MYO6: variants seen among roughly 807,000 people sequenced by gnomAD.
MYO6 encodes myosin VI, also known as unconventional myosin-VI.
A neutral mutation model predicts 178.7 loss-of-function variants in MYO6; 74 were observed. The ratio of observed to expected loss-of-function variants is 0.41; its 90% confidence interval spans 0.34 to 0.50. The LOEUF is 0.50. Ranked by LOEUF, MYO6 falls within the 20% of genes least tolerant of loss-of-function variation. The pLI, the probability that MYO6 is intolerant of heterozygous loss-of-function variation, is 0.09. For missense variants in MYO6, 1,330 were observed against 1,547.4 expected, an observed-to-expected ratio of 0.86 and a Z score of 2.36; for synonymous variants, 477 against 504.6, an observed-to-expected ratio of 0.95 and a Z score of 0.73.
chr6:75,889,459 G>A (rs930852500), intron 25 of MYO6, among the ~76,000 whole-genome samples: 13 of 152,324 alleles, frequency 8.5e-5, no homozygotes, highest in African/African-American at 3.1e-4. Flanking sequence ...CCAGTCTGGA[G>A]TGCAGTGGCA....
At chr6:75,830,931 C>G (rs1271041292) in intron 5 of MYO6, among the ~76,000 whole-genome samples, 1 of 152,202 alleles carries the variant, frequency 6.6e-6, no homozygotes, top group African/African-American at 2.4e-5. Flanking sequence ...TCATCTCTTA[C>G]CCAGCTCATC....
chr6:75,917,852 G>A lies in MYO6; in HGVS notation c.*2840G>A, dbSNP rs775970504. ...TTTTCATTCACAGGTCATTACTATG[G>A]TTCTCAGCGATCCAAATATGTAGAT... On this transcript the variant is annotated 3_prime_UTR_variant, in exon 35 of 35. Coordinates refer to ENST00000369977, the MANE Select transcript of MYO6 (RefSeq NM_004999.4). The A allele has an allele frequency of 1.3e-5, 2 of 149,540 alleles. No homozygotes were observed. Among genetic ancestry groups the A allele is most frequent in the East Asian group, 4.0e-4 (2 of 4,974 alleles). The allele number at this position is 149,540 out of a possible 1,614,324, so 9.3% of individuals were successfully genotyped here. A position where few individuals can be genotyped will look rare whatever the true frequency, so the allele number is the denominator to read the frequency against.
intron 1 of MYO6, among the ~76,000 whole-genome samples, chr6:75,750,090 T>G (rs948313552): frequency 1.4e-5 from 2 of 144,668 alleles, no homozygotes; most frequent in African/African-American, 4.9e-5. Context: ...TTTAAAAAAT[T>G]CATTACCTTT....
intron 1 of MYO6, among the ~76,000 whole-genome samples, chr6:75,785,478 T>C (rs1465745482): frequency 3.3e-5 from 5 of 149,998 alleles, no homozygotes; most frequent in South Asian, 2.1e-4. Context: ...CTTTTCTTTT[T>C]TTTTTTTTTT....
intron 1 of MYO6, among the ~76,000 whole-genome samples, chr6:75,790,069 C>A (rs1768070673): frequency 6.6e-6 from 1 of 152,088 alleles, no homozygotes; most frequent in Non-Finnish European, 1.5e-5. Context: ...GACAGGATTT[C>A]ATTCTTTTTT....
intron 1 of MYO6, among the ~76,000 whole-genome samples, chr6:75,795,436 C>T (rs1351313985): frequency 3.9e-5 from 6 of 152,134 alleles, no homozygotes; most frequent in African/African-American, 9.6e-5. Flanking sequence ...TCAGTATGAT[C>T]GATTATTTTT....
intron 19 of MYO6, among the ~76,000 whole-genome samples, chr6:75,872,472 A>C (rs1339175230): frequency 1.3e-5 from 2 of 152,156 alleles, no homozygotes; most frequent in East Asian, 3.9e-4. Flanking sequence ...TTTCTTTTAC[A>C]CTTTGGCCTA....
At chr6:75,883,935 G>A (rs143705155) in intron 23 of MYO6, among the ~76,000 whole-genome samples, 1 of 152,158 alleles carries the variant, frequency 6.6e-6, no homozygotes, top group Non-Finnish European at 1.5e-5. Flanking sequence ...TTAGACAATT[G>A]TGAATATAGA....
intron 1 of MYO6, among the ~76,000 whole-genome samples, chr6:75,804,939 A>G (rs574994109): frequency 1.4e-5 from 2 of 147,374 alleles, no homozygotes; most frequent in African/African-American, 2.5e-5. Context: ...ACATATATAC[A>G]TATATACACA....
Position 75,866,629 on chromosome 6 carries a change from T to C in MYO6, c.1770+8T>C. 2 of 1,608,398 alleles carry C rather than the reference T, an allele frequency of 1.2e-6. No individual in the cohort carries two copies. Among genetic ancestry groups the C allele is most frequent in the South Asian group, 2.2e-5 (2 of 90,946 alleles). The stretch of plus-strand genomic sequence containing the variant: ...GCAGTGTGCTATGAAACAGTGAGTA[T>C]AACTTTTACAAGGAGAAAACCATTT... On this transcript the variant is annotated splice_region_variant and intron_variant, in intron 17 of 34. Coordinates refer to ENST00000369977, the MANE Select transcript of MYO6 (RefSeq NM_004999.4).
intron 11 of MYO6, among the ~76,000 whole-genome samples, chr6:75,849,672 G>A (rs181952525): frequency 5.8e-4 from 88 of 152,294 alleles, no homozygotes; most frequent in African/African-American, 2.0e-3. Flanking sequence ...AAGGGGTCCC[G>A]AGTGGGTAGC....
chr6:75,762,350 T>C (rs1267543535), intron 1 of MYO6, among the ~76,000 whole-genome samples: 1 of 152,238 alleles, frequency 6.6e-6, no homozygotes, highest in Admixed American at 6.5e-5. Flanking sequence ...CTTATTATTC[T>C]ATTTTATAGC....
intron 1 of MYO6, among the ~76,000 whole-genome samples, chr6:75,767,030 CT>C (rs34267670): frequency 1.4e-3 from 205 of 144,908 alleles, no homozygotes; most frequent in Middle Eastern, 7.0e-3. Flanking sequence ...TCAATTCATT[CT>C]TTTTTTTTTT....
chr6:75,802,625 A>G (rs1221438609), intron 1 of MYO6, among the ~76,000 whole-genome samples: 3 of 151,716 alleles, frequency 2.0e-5, no homozygotes, highest in Non-Finnish European at 4.4e-5. Context: ...AGCTGGGACC[A>G]CAGGCATGCA....
At chr6:75,810,226 A>G (rs1272935187) in intron 1 of MYO6, among the ~76,000 whole-genome samples, 1 of 152,218 alleles carries the variant, frequency 6.6e-6, no homozygotes, top group Non-Finnish European at 1.5e-5. Context: ...AATCTCGCCC[A>G]GATCCATCCT....
At chr6:75,850,126 A>T (rs1775123491) in intron 11 of MYO6, among the ~76,000 whole-genome samples, 1 of 152,142 alleles carries the variant, frequency 6.6e-6, no homozygotes, top group Non-Finnish European at 1.5e-5. Flanking sequence ...AATATTATTC[A>T]TCCAGGACCA....
intron 30 of MYO6, among the ~76,000 whole-genome samples, chr6:75,902,884 C>T (rs1298582950): frequency 1.3e-5 from 2 of 151,866 alleles, no homozygotes; most frequent in Non-Finnish European, 2.9e-5. Flanking sequence ...TTTCCCTCTA[C>T]ACACTGCGTT....
At chr6:75,876,948 A>G (rs1777609826) in intron 20 of MYO6, among the ~76,000 whole-genome samples, 1 of 152,182 alleles carries the variant, frequency 6.6e-6, no homozygotes, top group Non-Finnish European at 1.5e-5. Context: ...AAGAGAATTA[A>G]TAAATTTAAG....
chr6:75,784,029 T>C (rs1767255748), intron 1 of MYO6, among the ~76,000 whole-genome samples: 1 of 152,176 alleles, frequency 6.6e-6, no homozygotes, highest in Admixed American at 6.5e-5. Flanking sequence ...TGGAGTGCGG[T>C]GGCGCCATCT....
Sources: allele counts gnomAD v4.1 joint callset (sites outside exome capture counted in the v4.1 genomes callset), GRCh38; gene constraint gnomAD v4.1.1; transcripts MANE v1.5; gene names NCBI Gene and HGNC (gene_info 2026-07-23, HGNC 2026-07-21).